Variants in ARHGAP26 observed in about 807,000 individuals in gnomAD.
ARHGAP26 encodes the protein rho GTPase-activating protein 26.
A neutral mutation model predicts 104.8 loss-of-function variants in ARHGAP26; 38 were observed. The ratio of observed to expected loss-of-function variants is 0.36; its 90% CI spans 0.28 to 0.48. The LOEUF is 0.48. Among genes scored for constraint, ARHGAP26 ranks in the 20% least tolerant of loss-of-function variants. The pLI, the probability that ARHGAP26 is intolerant of heterozygous loss-of-function variation, is 0.99. For missense variants in ARHGAP26, 704 were observed against 947.9 expected (o/e 0.74, Z 3.38); for synonymous variants, 341 against 340.0 (o/e 1.00, Z -0.03).
chr5:143,086,690 G>A (rs937884582), intron 17 of ARHGAP26, among the ~76,000 whole-genome samples: 110 of 152,322 alleles, frequency 7.2e-4, no homozygotes, highest in African/African-American at 2.5e-3. Context: ...GATGTTTTCT[G>A]TCTTTCTTAG....
intron 1 of ARHGAP26, chr5:142,771,148 AC>A: frequency 7.7e-7 from 1 of 1,291,864 alleles, no homozygotes; most frequent in Non-Finnish European, 9.8e-7. Context: ...TCGGGAGGTG[AC>A]CCAGCGCGGG....
chr5:143,030,192 C>G (rs536129737), intron 12 of ARHGAP26, among the ~76,000 whole-genome samples: 2 of 152,268 alleles, frequency 1.3e-5, no homozygotes, highest in African/African-American at 4.8e-5. Context: ...GCTCTTGAGC[C>G]TGAGGAATCA....
chr5:142,833,220 AT>A (rs779035161), intron 1 of ARHGAP26, among the ~76,000 whole-genome samples: 1,822 of 133,502 alleles, frequency 0.014, 22 homozygotes, highest in East Asian at 0.059. Flanking sequence ...CACCCGGCTA[AT>A]TTTTTTTTTT....
chr5:143,098,540 A>T (rs1428230038), intron 17 of ARHGAP26, among the ~76,000 whole-genome samples: 1 of 152,208 alleles, frequency 6.6e-6, no homozygotes, highest in Non-Finnish European at 1.5e-5. Flanking sequence ...ACATTAGCTG[A>T]ATTATTTTAT....
At chr5:142,856,229 G>A (rs1445156396) in intron 1 of ARHGAP26, among the ~76,000 whole-genome samples, 1 of 152,240 alleles carries the variant, frequency 6.6e-6, no homozygotes, top group East Asian at 1.9e-4. Context: ...GTGGGGGCCA[G>A]CCTGGGCCAT....
At chr5:142,920,079 T>G (rs1173819150) in intron 10 of ARHGAP26, among the ~76,000 whole-genome samples, 1 of 152,226 alleles carries the variant, frequency 6.6e-6, no homozygotes, top group African/African-American at 2.4e-5. Flanking sequence ...TACTTTGCCA[T>G]AGCACCAAGC....
intron 20 of ARHGAP26, among the ~76,000 whole-genome samples, chr5:143,184,242 G>A (rs144172767): frequency 1.3e-5 from 2 of 152,290 alleles, no homozygotes; most frequent in East Asian, 1.9e-4. Flanking sequence ...TGCCCATTAG[G>A]GGGTAGAGAA....
intron 20 of ARHGAP26, among the ~76,000 whole-genome samples, chr5:143,197,800 G>C (rs1379638638): frequency 6.6e-6 from 1 of 152,150 alleles, no homozygotes; most frequent in East Asian, 1.9e-4. Context: ...GAACACATTT[G>C]TTATGTATGG....
intron 12 of ARHGAP26, among the ~76,000 whole-genome samples, chr5:143,028,450 T>C (rs1271808443): frequency 6.6e-6 from 1 of 152,254 alleles, no homozygotes; most frequent in Non-Finnish European, 1.5e-5. Context: ...TAGCAAGACT[T>C]ACCCTATGGG....
At chr5:143,071,664 T>A (rs1028136326) in intron 17 of ARHGAP26, among the ~76,000 whole-genome samples, 1 of 152,006 alleles carries the variant, frequency 6.6e-6, no homozygotes, top group African/African-American at 2.4e-5. Flanking sequence ...TCCCAGCACT[T>A]TGGGAGGCTG....
intron 1 of ARHGAP26, chr5:142,771,162 G>A: frequency 1.5e-6 from 2 of 1,291,722 alleles, no homozygotes; most frequent in Non-Finnish European, 2.0e-6. Context: ...AGCGCGGGTG[G>A]TGCTCTGGGG....
At chr5:142,994,452 G>A (rs145382351) in intron 11 of ARHGAP26, among the ~76,000 whole-genome samples, 14 of 152,288 alleles carry the variant, frequency 9.2e-5, no homozygotes, top group South Asian at 2.1e-4. Flanking sequence ...AAGGGGTGAC[G>A]CAACCATAAA....
At chr5:142,936,815 A>T (rs1195047108) in intron 11 of ARHGAP26, among the ~76,000 whole-genome samples, 1 of 147,312 alleles carries the variant, frequency 6.8e-6, no homozygotes, top group Non-Finnish European at 1.5e-5. Flanking sequence ...AGAACTAAAC[A>T]TCCATAGGAA....
At position 142,770,617 on chromosome 5, in the gene ARHGAP26, C is replaced by A; in HGVS notation, c.-145C>A. 2.0e-6 allele frequency: 1 copy of A among 505,818 alleles called. No individual in the cohort carries two copies. The highest frequency in any genetic ancestry group is 2.6e-6 in the Non-Finnish European group (1 of 381,028). The allele number at this position is 505,818 out of a possible 1,614,324, so 31.3% of individuals were successfully genotyped here. A position where few individuals can be genotyped will look rare whatever the true frequency, so the allele number is the denominator to read the frequency against. On this transcript the variant is annotated 5_prime_UTR_variant, in exon 1 of 23. Coordinates refer to ENST00000645722, the MANE Select transcript of ARHGAP26 (RefSeq NM_001135608.3). ...GGGAGTCTTGCGCGCCGGCGGACAC[C>A]GCGCGCGGAGTGAGCCAGCGCCACA...
intron 1 of ARHGAP26, among the ~76,000 whole-genome samples, chr5:142,868,587 C>T (rs1394511995): frequency 2.0e-5 from 3 of 152,128 alleles, no homozygotes; most frequent in Non-Finnish European, 2.9e-5. Flanking sequence ...TGGGAATGGA[C>T]ATGGCACATG....
intron 11 of ARHGAP26, among the ~76,000 whole-genome samples, chr5:142,997,248 T>C (rs1187214323): frequency 6.6e-6 from 1 of 152,124 alleles, no homozygotes; most frequent in Non-Finnish European, 1.5e-5. Flanking sequence ...AACCCTAAAG[T>C]CAATACTTGC....
rs371725210 is a variant in ARHGAP26, at chr5:143,076,505, G to T, written c.1538+18758G>T. Among the ~76,000 whole-genome samples, 24 of 152,092 alleles carry T rather than the reference G, an allele frequency of 1.6e-4. 2 individuals are homozygous for T. Among genetic ancestry groups the T allele is most frequent in the Admixed American group, 1.3e-3 (20 of 15,284 alleles). ...TAATCTTTCATGTATATATTTATAT[G>T]TGTGGGCATATTTATATAACAGCTA... On this transcript the variant is annotated intron_variant, in intron 17 of 22. Transcript: ENST00000645722.
chr5:143,067,225 T>C (rs962000925), intron 17 of ARHGAP26, among the ~76,000 whole-genome samples: 6 of 152,280 alleles, frequency 3.9e-5, no homozygotes, highest in Non-Finnish European at 8.8e-5. Flanking sequence ...TGTTTCCCTT[T>C]GTGGGGGAGT....
At chr5:143,214,772 G>GTCTC (rs1416153434) in intron 22 of ARHGAP26, among the ~76,000 whole-genome samples, 1 of 152,184 alleles carries the variant, frequency 6.6e-6, no homozygotes, top group Non-Finnish European at 1.5e-5. Context: ...GAACATGAGG[G>GTCTC]TCTCTCCCAG....
Sources: gnomAD v4.1 joint callset for allele counts (sites outside exome capture counted in the v4.1 genomes callset) on GRCh38, gnomAD v4.1.1 for gene constraint, MANE v1.5 for transcripts, NCBI Gene and HGNC (gene_info 2026-07-23, HGNC 2026-07-21) for gene names.